Variants in HDDC2 observed in about 807,000 individuals in gnomAD.
The protein encoded by HDDC2 is HD domain containing 2.
Under a neutral mutation model 25.5 loss-of-function variants are expected in HDDC2, and 25 were observed. That is an observed-to-expected ratio of 0.98 (90% CI 0.72 to 1.37). The LOEUF (loss-of-function observed/expected upper bound fraction) is 1.37, where lower values mean the gene tolerates loss of function less well. Among genes scored for constraint, HDDC2 ranks in the 40% most tolerant of loss-of-function variants. The pLI is 0.00. For synonymous variants in HDDC2, 106 were observed against 89.7 expected (o/e 1.18, Z -1.03); for missense variants, 264 against 253.1 (o/e 1.04, Z -0.29).
intron 3 of HDDC2, among the ~76,000 whole-genome samples, chr6:125,294,406 T>C (rs1008934279): frequency 2.6e-5 from 4 of 152,324 alleles, no homozygotes; most frequent in South Asian, 2.1e-4. Context: ...AGTTACAGAG[T>C]GGTAGCATCA....
chr6:125,289,700 A>T (rs1798601769), intron 4 of HDDC2, among the ~76,000 whole-genome samples: 1 of 151,966 alleles, frequency 6.6e-6, no homozygotes, highest in South Asian at 2.1e-4. Context: ...TTGAAGAATG[A>T]ATTGGGGGGA....
intron 5 of HDDC2, 24 bp downstream of exon 5, chr6:125,277,078 C>T: frequency 6.2e-7 from 1 of 1,613,194 alleles, no homozygotes; most frequent in Non-Finnish European, 8.5e-7. Flanking sequence ...AAAATGGACT[C>T]TTGTTGAAAA....
At chr6:125,297,637 T>A (rs1293242613) in intron 3 of HDDC2, 1 of 399,358 alleles carries the variant, frequency 2.5e-6, no homozygotes, top group Admixed American at 4.4e-5. Context: ...TCCCCAGCTC[T>A]GAGAATAGAC....
At chr6:125,292,742 A>T in intron 4 of HDDC2, 99 bp downstream of exon 4, 2 of 901,118 alleles carry the variant, frequency 2.2e-6, no homozygotes, top group South Asian at 2.7e-5. Context: ...GTAATAAGTT[A>T]GGGACCGCTT....
intron 5 of HDDC2, chr6:125,276,889 T>C: frequency 1.8e-6 from 1 of 552,436 alleles, no homozygotes; most frequent in Non-Finnish European, 3.2e-6. Flanking sequence ...CTGTGTCTGT[T>C]GTTGCTTACT....
Position 125,301,482 on chromosome 6 carries a change from G to GCACACACACGCGCGCGCACACA in HDDC2, c.84+366_84+367insTGTGTGCGCGCGCGTGTGTGTG, listed in dbSNP as rs1412473241. Among the ~76,000 whole-genome samples the GCACACACACGCGCGCGCACACA allele has an allele frequency of 3.3e-3, 397 of 120,400 alleles. 5 individuals are homozygous for GCACACACACGCGCGCGCACACA. The highest frequency in any genetic ancestry group is 0.013 in the African/African-American group (380 of 29,710). The allele number at this position is 120,400 out of a possible 152,430, so 79.0% of individuals were successfully genotyped here. On this transcript the variant is annotated intron_variant, in intron 1 of 5. Transcript: ENST00000398153. The stretch of plus-strand genomic sequence containing the variant: ...ACACACACGAGTTCTGGGGTCGTGA[G>GCACACACACGCGCGCGCACACA]CACACACACACACACACACACACAC...
intron 4 of HDDC2, among the ~76,000 whole-genome samples, chr6:125,283,598 A>G (rs1798491168): frequency 6.6e-6 from 1 of 152,230 alleles, no homozygotes; most frequent in African/African-American, 2.4e-5. Flanking sequence ...ACCTAGGAAT[A>G]TAACTTACAA....
chr6:125,281,562 A>G (rs906513827), intron 4 of HDDC2, among the ~76,000 whole-genome samples: 1 of 152,332 alleles, frequency 6.6e-6, no homozygotes, highest in South Asian at 2.1e-4. Flanking sequence ...CGTGAAGCAC[A>G]CACAACTATC....
intron 4 of HDDC2, among the ~76,000 whole-genome samples, chr6:125,282,935 A>G (rs1335596144): frequency 6.6e-6 from 1 of 152,248 alleles, no homozygotes; most frequent in African/African-American, 2.4e-5. Flanking sequence ...ACATAATGGT[A>G]AAGGGATGAA....
intron 4 of HDDC2, among the ~76,000 whole-genome samples, chr6:125,280,368 C>A (rs990373246): frequency 9.9e-5 from 15 of 152,094 alleles, no homozygotes; most frequent in Non-Finnish European, 1.8e-4. Flanking sequence ...CCCAGTGGAA[C>A]CTGGAATACC....
rs774003565 is a variant in HDDC2 at position 125,276,119 on chromosome 6, C to A, written c.*27G>T. ...TGAAATGGAAAAATAATGTTTGTTA[C>A]AGGAGTGCAGCAATTTAGAGAGTGT... On this transcript the variant is annotated 3_prime_UTR_variant, in exon 6 of 6. Coordinates refer to ENST00000398153, the MANE Select transcript of HDDC2 (RefSeq NM_016063.3). 2.1e-6 allele frequency: 3 copies of A among 1,457,388 alleles called. No homozygotes were observed. The East Asian group carries it at 6.8e-5, about 33-fold the overall frequency. The allele number at this position is 1,457,388 out of a possible 1,614,324, so 90.3% of individuals were successfully genotyped here.
At chr6:125,279,932 A>T (rs1798432093) in intron 4 of HDDC2, among the ~76,000 whole-genome samples, 1 of 152,244 alleles carries the variant, frequency 6.6e-6, no homozygotes, top group Non-Finnish European at 1.5e-5. Context: ...AAATGATACA[A>T]GATGAGATTC....
intron 4 of HDDC2, 123 bp from the exon 5 acceptor site, chr6:125,277,363 T>A (rs1798385824): frequency 1.2e-6 from 1 of 855,682 alleles, no homozygotes; most frequent in South Asian, 1.7e-5. Context: ...ATCGGCCCCA[T>A]TTCTCTACTG....
chr6:125,295,583 T>TG (rs1171284472), intron 3 of HDDC2, among the ~76,000 whole-genome samples: 3 of 152,328 alleles, frequency 2.0e-5, no homozygotes, highest in Admixed American at 2.0e-4. Flanking sequence ...GTGCTTATTA[T>TG]TGGCACATAA....
intron 1 of HDDC2, among the ~76,000 whole-genome samples, 154 bp downstream of exon 1, chr6:125,301,695 C>A (rs1048900550): frequency 1.1e-4 from 17 of 152,282 alleles, no homozygotes; most frequent in African/African-American, 4.1e-4. Context: ...CAACGCGCGG[C>A]CGCATCCGCA....
chr6:125,298,137 T>C (rs1798733350), intron 3 of HDDC2, among the ~76,000 whole-genome samples: 3 of 152,120 alleles, frequency 2.0e-5, no homozygotes, highest in African/African-American at 7.2e-5. Context: ...AAACTACCTA[T>C]TGGCTTACTA....
At chr6:125,298,362 T>A (rs965541603) in intron 3 of HDDC2, among the ~76,000 whole-genome samples, 1 of 152,176 alleles carries the variant, frequency 6.6e-6, no homozygotes, top group African/African-American at 2.4e-5. Context: ...TTCCAGGAAA[T>A]CCCTGCTTCT....
At chr6:125,295,873 T>C (rs750619199) in intron 3 of HDDC2, among the ~76,000 whole-genome samples, 15 of 152,172 alleles carry the variant, frequency 9.9e-5, no homozygotes, top group Non-Finnish European at 2.2e-4. Context: ...TCAGACATCA[T>C]TTATCAACCT....
intron 4 of HDDC2, among the ~76,000 whole-genome samples, chr6:125,283,981 G>C (rs1798496348): frequency 6.6e-6 from 1 of 152,052 alleles, no homozygotes; most frequent in Admixed American, 6.6e-5. Flanking sequence ...TAGACCAATG[G>C]AAGAGAACAG....
Sources: allele counts gnomAD v4.1 joint callset (sites outside exome capture counted in the v4.1 genomes callset), GRCh38; gene constraint gnomAD v4.1.1; transcripts MANE v1.5; gene names NCBI Gene and HGNC (gene_info 2026-07-23, HGNC 2026-07-21).